HPRT1: variants seen among roughly 807,000 people sequenced by gnomAD.
HPRT1 encodes the protein hypoxanthine phosphoribosyltransferase 1.
A neutral mutation model predicts 19.0 loss-of-function variants in HPRT1; 4 were observed. The ratio of observed to expected loss-of-function variants is 0.21; its 90% CI spans 0.10 to 0.48. The LOEUF is 0.48. Among genes scored for constraint, HPRT1 ranks in the 20% least tolerant of loss-of-function variants. The pLI is 0.98. For missense variants in HPRT1, 65 were observed against 164.0 expected (o/e 0.40, Z 3.30); for synonymous variants, 53 against 54.9 (o/e 0.97, Z 0.15).
intron 3 of HPRT1, among the ~76,000 whole-genome samples, chrX:134,482,945 A>G (rs766900265): frequency 2.7e-5 from 3 of 110,482 alleles, no homozygotes; most frequent in Non-Finnish European, 5.7e-5. Flanking sequence ...AGAGATTATG[A>G]TATGAAGAGA....
intron 1 of HPRT1, among the ~76,000 whole-genome samples, chrX:134,471,154 G>A (rs1002986554): frequency 9.1e-6 from 1 of 110,116 alleles, no homozygotes; most frequent in Non-Finnish European, 1.9e-5. Context: ...AACGCATGCT[G>A]CCAAAGATAA....
Position 134,471,185 on chromosome X carries a change from AT to A in HPRT1, c.28-2167del, listed in dbSNP as rs1201275574. On this transcript the variant is annotated intron_variant, in intron 1 of 8. Coordinates refer to ENST00000298556, the MANE Select transcript of HPRT1 (RefSeq NM_000194.3). Reference sequence around the variant, plus strand: ...GATAATTTATAAGAAAGACCATTGAATTTTTTTAAAAGTGATATATATTCAT... The same window carrying A: ...GATAATTTATAAGAAAGACCATTGAATTTTTTAAAAGTGATATATATTCAT... Among the ~76,000 whole-genome samples, 12 of 111,562 alleles carry A rather than the reference AT, an allele frequency of 1.1e-4. No homozygotes were observed. In the South Asian group the frequency reaches 1.8e-3, roughly 17 times the overall value.
intron 1 of HPRT1, among the ~76,000 whole-genome samples, chrX:134,461,998 TCTCA>T (rs1219815970): frequency 9.0e-6 from 1 of 110,502 alleles, no homozygotes; most frequent in Non-Finnish European, 1.9e-5. Context: ...TGAGACAGGG[TCTCA>T]CTCTGTCACC....
chrX:134,480,385 A>G (rs1406047476), intron 3 of HPRT1, among the ~76,000 whole-genome samples: 1 of 110,645 alleles, frequency 9.0e-6, no homozygotes, highest in African/African-American at 3.3e-5. Context: ...CATTTTGCCA[A>G]TTACGGGATT....
intron 3 of HPRT1, among the ~76,000 whole-genome samples, chrX:134,475,977 G>A (rs1359529166): frequency 8.9e-6 from 1 of 111,854 alleles, no homozygotes; most frequent in African/African-American, 3.2e-5. Flanking sequence ...ATTTGATCGT[G>A]CAAACGTTTG....
intron 3 of HPRT1, among the ~76,000 whole-genome samples, chrX:134,476,992 A>AT (rs764663605): frequency 1.7e-4 from 18 of 107,620 alleles, no homozygotes; most frequent in Admixed American, 8.1e-4. Flanking sequence ...TAGATATACT[A>AT]TTTTTTTGGT....
chrX:134,498,303 G>A, intron 6 of HPRT1, 87 bp from the exon 7 acceptor site: 1 of 746,967 alleles, frequency 1.3e-6, no homozygotes. Context: ...CGGATGAAAT[G>A]AAACAGTGTT....
intron 1 of HPRT1, among the ~76,000 whole-genome samples, chrX:134,467,482 C>G (rs2124286253): frequency 8.9e-6 from 1 of 112,360 alleles, no homozygotes; most frequent in South Asian, 3.6e-4. Context: ...ATCCCCAACT[C>G]TCTCCAACTG....
Position 134,468,104 on chromosome X carries a change from G to A in HPRT1, c.28-5255G>A, listed in dbSNP as rs186321583. ...TGGGATTACAGGCATGAGCCACAGC[G>A]CCCAGCCGTCTTTTTTTTTAAATAG... On this transcript the variant is annotated intron_variant, in intron 1 of 8. Coordinates refer to ENST00000298556, the MANE Select transcript of HPRT1 (RefSeq NM_000194.3). 6.6e-3 allele frequency among the ~76,000 whole-genome samples: 722 copies of A among 109,274 alleles called. 2 individuals are homozygous for A. The highest frequency in any genetic ancestry group is 0.011 in the Non-Finnish European group (592 of 52,502). The allele number at this position is 109,274 out of a possible 115,157, so 94.9% of individuals were successfully genotyped here. A position where few individuals can be genotyped will look rare whatever the true frequency, so the allele number is the denominator to read the frequency against.
intron 1 of HPRT1, among the ~76,000 whole-genome samples, chrX:134,461,932 T>C (rs2077585232): frequency 8.9e-6 from 1 of 111,934 alleles, no homozygotes; most frequent in African/African-American, 3.2e-5. Flanking sequence ...GAGGAAAAAA[T>C]GTTGATTTTT....
chrX:134,482,656 T>A (rs1244854031), intron 3 of HPRT1, among the ~76,000 whole-genome samples: 1 of 111,572 alleles, frequency 9.0e-6, no homozygotes, highest in Non-Finnish European at 1.9e-5. Flanking sequence ...GCTTCATCAG[T>A]GTCGTTTTTT....
chrX:134,460,227 T>A lies in HPRT1; in HGVS notation c.-85T>A. ...CTCGGCTTTCCCGCGCGGCGCCGCCTCTTGCTGCGCCTCCGCCTCCTCCTC... is the reference window on the plus strand; with the variant it reads ...CTCGGCTTTCCCGCGCGGCGCCGCCACTTGCTGCGCCTCCGCCTCCTCCTC... On this transcript the variant is annotated 5_prime_UTR_variant, in exon 1 of 9. Transcript: ENST00000298556. 8 of 1,023,439 alleles carry A rather than the reference T, an allele frequency of 7.8e-6. No individual in the cohort carries two copies. The highest frequency in any genetic ancestry group is 1.3e-6 in the Non-Finnish European group (1 of 767,812). 84.3% of individuals were successfully genotyped at this position (1,023,439 alleles called of 1,213,427 possible).
chrX:134,486,085 AC>A (rs1038164109), intron 3 of HPRT1, among the ~76,000 whole-genome samples: 3 of 111,093 alleles, frequency 2.7e-5, no homozygotes, highest in African/African-American at 9.8e-5. Context: ...AGAACCAGAC[AC>A]CTGTCATGCT....
chrX:134,494,296 TTAAGAA>T (rs2077674988), intron 6 of HPRT1, among the ~76,000 whole-genome samples: 2 of 112,482 alleles, frequency 1.8e-5, no homozygotes, highest in Middle Eastern at 4.6e-3. Flanking sequence ...AAACAAACAT[TTAAGAA>T]TATGTTTTTC....
chrX:134,488,422 C>A (rs2077658889), intron 4 of HPRT1, among the ~76,000 whole-genome samples: 1 of 110,918 alleles, frequency 9.0e-6, no homozygotes, highest in Non-Finnish European at 1.9e-5. Flanking sequence ...CGGGTGTGAG[C>A]CACCCTGCCT....
At chrX:134,495,864 A>T (rs2124303351) in intron 6 of HPRT1, among the ~76,000 whole-genome samples, 1 of 112,469 alleles carries the variant, frequency 8.9e-6, no homozygotes, top group East Asian at 2.8e-4. Context: ...AAATGGACTC[A>T]TGCAATATCC....
chrX:134,486,458 T>TTA lies in HPRT1; in HGVS notation c.319-7_319-6insTA. ...ATATATATATAGTTTTTTTTTTTTT[T>TTA]AACTAGAATGACCAGTCAACAGGGG... On this transcript the variant is annotated splice_polypyrimidine_tract_variant and splice_region_variant and intron_variant, in intron 3 of 8. Coordinates refer to ENST00000298556, the MANE Select transcript of HPRT1 (RefSeq NM_000194.3). The TTA allele has an allele frequency of 9.6e-7, 1 of 1,038,320 alleles. No homozygotes were observed. Among genetic ancestry groups the TTA allele is most frequent in the Non-Finnish European group, 1.3e-6 (1 of 763,388 alleles). 85.6% of individuals were successfully genotyped at this position (1,038,320 alleles called of 1,213,427 possible). A position where few individuals can be genotyped will look rare whatever the true frequency, so the allele number is the denominator to read the frequency against.
In HPRT1 at chrX:134,490,202, G is replaced by A. The variant is rs1358778595; in HGVS notation, c.399G>A (p.Val133=). The change falls in exon 5 of 9, where the codon GTG becomes GTA. Residue 133 remains valine, a synonymous_variant. Coordinates refer to ENST00000298556, the MANE Select transcript of HPRT1 (RefSeq NM_000194.3). ...TTTTCTTCTAGAATGTCTTGATTGTGGAAGTAAGTTCACATTTACTTTTAA... is the reference window on the plus strand; with the variant it reads ...TTTTCTTCTAGAATGTCTTGATTGTAGAAGTAAGTTCACATTTACTTTTAA... The part of the protein sequence containing the change: ...STLTGKNVLI[V]EDIIDTGKTM... The A allele has an allele frequency of 9.7e-7, 1 of 1,027,271 alleles. No homozygotes were observed. The highest frequency in any genetic ancestry group is 1.9e-5 in the South Asian group (1 of 51,378). The allele number at this position is 1,027,271 out of a possible 1,213,427, so 84.7% of individuals were successfully genotyped here. A position where few individuals can be genotyped will look rare whatever the true frequency, so the allele number is the denominator to read the frequency against.
intron 3 of HPRT1, among the ~76,000 whole-genome samples, chrX:134,475,831 C>G (rs184288524): frequency 9.0e-5 from 10 of 111,448 alleles, no homozygotes; most frequent in African/African-American, 2.9e-4. Flanking sequence ...TGCAGGTATA[C>G]TCAAGAGAGT....
Sources: gnomAD v4.1 joint callset for allele counts (sites outside exome capture counted in the v4.1 genomes callset) on GRCh38, gnomAD v4.1.1 for gene constraint, MANE v1.5 for transcripts, NCBI Gene and HGNC (gene_info 2026-07-23, HGNC 2026-07-21) for gene names.